Variants in WDR75 observed in about 807,000 individuals in gnomAD.
The protein encoded by WDR75 is WD repeat domain 75.
Under a neutral mutation model 106.1 loss-of-function variants are expected in WDR75, and 52 were observed. The ratio of observed to expected loss-of-function variants is 0.49; its 90% CI spans 0.39 to 0.62. The LOEUF (loss-of-function observed/expected upper bound fraction) is 0.62, where lower values mean the gene tolerates loss of function less well. Among genes scored for constraint, WDR75 ranks in the 20% least tolerant of loss-of-function variants. The pLI, the probability that WDR75 is intolerant of heterozygous loss-of-function variation, is 0.00. For missense variants in WDR75, 905 were observed against 970.3 expected (o/e 0.93, Z 0.89); for synonymous variants, 333 against 335.5 (o/e 0.99, Z 0.08).
At chr2:189,455,240 C>CAAAA (rs5837143) in intron 4 of WDR75, 80 bp from the exon 5 acceptor site, 59 of 1,238,298 alleles carry the variant, frequency 4.8e-5, no homozygotes, top group South Asian at 1.8e-4. Flanking sequence ...GACTTTGCCT[C>CAAAA]AAAAAAAAAA....
At chr2:189,467,737 A>G (rs1370167136) in intron 14 of WDR75, 89 bp downstream of exon 14, 1 of 1,259,336 alleles carries the variant, frequency 7.9e-7, no homozygotes, top group Non-Finnish European at 1.0e-6. Context: ...TGCCCTCTCC[A>G]AAAGTAGCCT....
chr2:189,451,995 T>G, intron 4 of WDR75, 100 bp downstream of exon 4: 1 of 866,444 alleles, frequency 1.2e-6, no homozygotes, highest in Non-Finnish European at 1.8e-6. Context: ...AAGCCAACAG[T>G]TTTTAGAATG....
At chr2:189,471,773 G>A (rs143506165) in intron 18 of WDR75, among the ~76,000 whole-genome samples, 3 of 152,224 alleles carry the variant, frequency 2.0e-5, no homozygotes, top group East Asian at 1.9e-4. Context: ...TCTATTAGTG[G>A]TGTGGTTTTT....
intron 6 of WDR75, 73 bp from the exon 7 acceptor site, chr2:189,458,680 C>T: frequency 7.5e-7 from 1 of 1,326,274 alleles, no homozygotes; most frequent in Non-Finnish European, 9.9e-7. Context: ...TGGGAACTCT[C>T]TTTTACTTAA....
intron 2 of WDR75, 119 bp from the exon 3 acceptor site, chr2:189,450,784 T>C: frequency 6.7e-7 from 1 of 1,500,864 alleles, no homozygotes; most frequent in Non-Finnish European, 8.8e-7. Flanking sequence ...CTCTACCTCT[T>C]TAAGGTTAAC....
At chr2:189,444,300 T>G (rs1305699962) in intron 1 of WDR75, among the ~76,000 whole-genome samples, 1 of 152,152 alleles carries the variant, frequency 6.6e-6, no homozygotes, top group African/African-American at 2.4e-5. Flanking sequence ...GACAGACTTG[T>G]GGAATTTTGG....
At chr2:189,469,589 C>CA in intron 16 of WDR75, 150 bp downstream of exon 16, 2 of 637,598 alleles carry the variant, frequency 3.1e-6, no homozygotes, top group South Asian at 3.8e-5. Context: ...AACACTTTGT[C>CA]ATTGTGTGCG....
At chr2:189,463,784 T>C in intron 10 of WDR75, 31 bp downstream of exon 10, 1 of 1,613,772 alleles carries the variant, frequency 6.2e-7, no homozygotes, top group South Asian at 1.1e-5. Context: ...TTTGGAATCA[T>C]GAACATTTTA....
chr2:189,449,987 T>G (rs369717945), intron 2 of WDR75: 159 of 985,216 alleles, frequency 1.6e-4, no homozygotes, highest in Non-Finnish European at 1.9e-4. Context: ...TTAATAAAAC[T>G]AAGTACACTG....
In WDR75 at chr2:189,475,483, T is replaced by C. The variant is rs1687195910; in HGVS notation, c.*66T>C. 2 of 966,542 alleles carry C rather than the reference T, an allele frequency of 2.1e-6. No homozygotes were observed. The highest frequency in any genetic ancestry group is 1.9e-5 in the South Asian group (1 of 52,866). 59.9% of individuals were successfully genotyped at this position (966,542 alleles called of 1,614,324 possible). On this transcript the variant is annotated 3_prime_UTR_variant, in exon 21 of 21. Coordinates refer to ENST00000314761, the MANE Select transcript of WDR75 (RefSeq NM_032168.3). The stretch of plus-strand genomic sequence containing the variant: ...ATTGTATGTTGATATTCTAAAAACA[T>C]CTATTTTAATGTTATTTCTGTTCTA...
chr2:189,459,301 A>G (rs768144605), intron 7 of WDR75, 35 bp from the exon 8 acceptor site: 11 of 1,510,830 alleles, frequency 7.3e-6, no homozygotes, highest in African/African-American at 5.6e-5. Context: ...ACTTAAACCT[A>G]TGGTCAAAAT....
rs367567650 is a variant in WDR75 at position 189,465,211 on chromosome 2, G to A, written c.1246G>A (p.Glu416Lys). Residue 416 changes from glutamate to lysine, a missense_variant, in exon 12 of 21, where the codon GAA (glutamate) becomes AAA (lysine). Glu to Lys is a moderately conservative substitution (Grantham distance 56). Transcript: ENST00000314761. ...EQRQEKETEL[E>K]LQMKLWMYNK... ...GCGGCAAGAAAAGGAAACTGAGCTT[G>A]AATTGCAAATGAAACTGTGGATGTA... 4 of 1,612,922 alleles carry A rather than the reference G, an allele frequency of 2.5e-6. No individual in the cohort carries two copies. The African/African-American group carries it at 4.0e-5, about 16-fold the overall frequency.
At chr2:189,451,372 TAAATTTAGCC>T (rs1686618659) in intron 3 of WDR75, among the ~76,000 whole-genome samples, 1 of 152,180 alleles carries the variant, frequency 6.6e-6, no homozygotes, top group Non-Finnish European at 1.5e-5. Context: ...TTTCCCCTCA[TAAATTTAGCC>T]AAATTGTAGA....
chr2:189,450,335 G>T (rs899922483), intron 2 of WDR75: 1 of 978,326 alleles, frequency 1.0e-6, no homozygotes, highest in East Asian at 1.2e-4. Context: ...AAGCTCTTGT[G>T]TGGGTGTTTT....
intron 1 of WDR75, among the ~76,000 whole-genome samples, chr2:189,443,429 C>T (rs149691827): frequency 9.2e-5 from 14 of 152,288 alleles, no homozygotes; most frequent in Non-Finnish European, 1.8e-4. Context: ...GGAAAGGACA[C>T]GTGCAGCCAG....
At chr2:189,472,717 C>A (rs962244570) in intron 18 of WDR75, among the ~76,000 whole-genome samples, 1 of 152,224 alleles carries the variant, frequency 6.6e-6, no homozygotes, top group Non-Finnish European at 1.5e-5. Flanking sequence ...TATCCCTTGG[C>A]TTCCACTATC....
intron 2 of WDR75, chr2:189,449,661 G>A (rs1302071719): frequency 2.0e-6 from 2 of 1,004,824 alleles, no homozygotes; most frequent in Non-Finnish European, 2.4e-6. Context: ...GGACTTAGGA[G>A]TCACAGTGTT....
Position 189,451,861 on chromosome 2 carries a change from TTCTG to T in WDR75, c.343_346del (p.Val115LeufsTer3). The T allele has an allele frequency of 6.2e-7, 1 of 1,613,772 alleles. No individual in the cohort carries two copies. The highest frequency in any genetic ancestry group is 8.5e-7 in the Non-Finnish European group (1 of 1,179,880). On this transcript the variant is annotated frameshift_variant, in exon 4 of 21. Transcript: ENST00000314761. LOFTEE classifies it high-confidence loss of function. ...TCTTTACTCTTGCCCAAGCTGAGGA[TTCTG>T]TCTTTGTTATAGTGAATAAAGAAAA...
chr2:189,454,419 A>G (rs1047277972), intron 4 of WDR75, among the ~76,000 whole-genome samples: 1 of 152,198 alleles, frequency 6.6e-6, no homozygotes, highest in Admixed American at 6.5e-5. Flanking sequence ...TGTTGCTTTT[A>G]GCTACTCAGC....
Sources: allele counts gnomAD v4.1 joint callset (sites outside exome capture counted in the v4.1 genomes callset), GRCh38; gene constraint gnomAD v4.1.1; transcripts MANE v1.5; gene names NCBI Gene and HGNC (gene_info 2026-07-23, HGNC 2026-07-21).